The following RUBCNL variants were observed in gnomAD, a reference collection of about 807,000 sequenced individuals.
RUBCNL encodes rubicon like autophagy enhancer.
RUBCNL carries 62 observed loss-of-function variants against 69.5 expected under a neutral mutation model. That is an observed-to-expected ratio of 0.89 (90% CI 0.73 to 1.10). The LOEUF is 1.10. Among genes scored for constraint, RUBCNL ranks in the 50% least tolerant of loss-of-function variants. The probability of loss-of-function intolerance (pLI) is 0.00; values close to 1 mark genes in which losing one functional copy is unlikely to be tolerated. For synonymous variants in RUBCNL, 291 were observed against 303.6 expected (o/e 0.96, Z 0.43); for missense variants, 768 against 798.1 (o/e 0.96, Z 0.45).
chr13:46,383,981 C>T (rs1429610429), intron 1 of RUBCNL, among the ~76,000 whole-genome samples: 2 of 152,178 alleles, frequency 1.3e-5, no homozygotes, highest in South Asian at 2.1e-4. Flanking sequence ...ACTCAAATAT[C>T]TCTTCAGAAT....
chr13:46,363,723 G>A (rs1394881781), intron 5 of RUBCNL, among the ~76,000 whole-genome samples: 1 of 151,580 alleles, frequency 6.6e-6, no homozygotes, highest in Admixed American at 6.6e-5. Flanking sequence ...CAGTGTGGTG[G>A]CCCGGCCAGC....
chr13:46,358,611 T>C (rs957412907), intron 9 of RUBCNL, among the ~76,000 whole-genome samples: 39 of 152,232 alleles, frequency 2.6e-4, no homozygotes, highest in African/African-American at 9.4e-4. Flanking sequence ...TGGAGTGCAC[T>C]GGTGCAATCT....
rs796529048 is a variant in RUBCNL at position 46,335,242 on chromosome 13, TTTGTTG to T, written c.*8137_*8142del. The stretch of plus-strand genomic sequence containing the variant: ...ATTGTGCCCAGCTAATTTGTGTCTT[TTTGTTG>T]TTGTTGTTGTTGTTTTTTTTTTTTT... On this transcript the variant is annotated 3_prime_UTR_variant, in exon 15 of 15. Transcript: ENST00000429979. Among the ~76,000 whole-genome samples the T allele has an allele frequency of 7.0e-4, 99 of 142,162 alleles. No individual in the cohort carries two copies. Among genetic ancestry groups the T allele is most frequent in the Non-Finnish European group, 1.1e-3 (71 of 66,730 alleles). The allele number at this position is 142,162 out of a possible 152,430, so 93.3% of individuals were successfully genotyped here. A position where few individuals can be genotyped will look rare whatever the true frequency, so the allele number is the denominator to read the frequency against.
upstream of RUBCNL, chr13:46,387,814 A>G (rs2049283395): frequency 1.0e-6 from 1 of 985,402 alleles, no homozygotes; most frequent in African/African-American, 1.7e-5. Context: ...TCTTGCAGCG[A>G]AGGTTTGGAA....
chr13:46,346,761 A>G (rs1295185278), intron 12 of RUBCNL, among the ~76,000 whole-genome samples: 1 of 152,074 alleles, frequency 6.6e-6, no homozygotes, highest in Non-Finnish European at 1.5e-5. Flanking sequence ...TAGAGACTGA[A>G]AAAAACGCTT....
chr13:46,347,947 C>T (rs1413342686), intron 12 of RUBCNL, among the ~76,000 whole-genome samples: 1 of 151,722 alleles, frequency 6.6e-6, no homozygotes, highest in East Asian at 1.9e-4. Context: ...GAGCCGAGAT[C>T]GCGCCACTGC....
chr13:46,361,872 C>T lies in RUBCNL; in HGVS notation c.987-299G>A, dbSNP rs559790978. Among the ~76,000 whole-genome samples the T allele has an allele frequency of 1.5e-4, 23 of 152,110 alleles. No individual in the cohort carries two copies. The South Asian group carries it at 4.8e-3, about 32-fold the overall frequency. On this transcript the variant is annotated intron_variant, in intron 7 of 14. Coordinates refer to ENST00000429979, the MANE Select transcript of RUBCNL (RefSeq NM_025113.5). ...ACTTCTACCTCACAGCCTTCGTGTC[C>T]CGAAGCACATCCTATATATGAGTCT...
In RUBCNL at chr13:46,338,785, G is replaced by A. The variant is rs867053391; in HGVS notation, c.*4600C>T. On this transcript the variant is annotated 3_prime_UTR_variant, in exon 15 of 15. Transcript: ENST00000429979. ...AAATGTTCAAGGAAGGGCTGGGCGC[G>A]GTGGCTCACACCTGTAATCCAAGCA... is the stretch of plus-strand genomic sequence containing the variant. 1.6e-4 allele frequency among the ~76,000 whole-genome samples: 24 copies of A among 152,152 alleles called. No individual in the cohort carries two copies. Among genetic ancestry groups the A allele is most frequent in the South Asian group, 6.2e-4 (3 of 4,822 alleles).
chr13:46,386,128 G>T (rs2049237788), intron 1 of RUBCNL, among the ~76,000 whole-genome samples: 1 of 152,152 alleles, frequency 6.6e-6, no homozygotes, highest in African/African-American at 2.4e-5. Context: ...TACCTTCACA[G>T]GATACTTTAT....
chr13:46,357,637 T>G (rs1218833865), intron 9 of RUBCNL, among the ~76,000 whole-genome samples: 1 of 151,158 alleles, frequency 6.6e-6, no homozygotes, highest in African/African-American at 2.4e-5. Context: ...CTTTCTTTTT[T>G]TTTTTTTTTT....
chr13:46,340,287 C>G lies in RUBCNL; in HGVS notation c.*3098G>C, dbSNP rs2048132620. 6.6e-6 allele frequency among the ~76,000 whole-genome samples: 1 copy of G among 152,204 alleles called. No homozygotes were observed. Among genetic ancestry groups the G allele is most frequent in the East Asian group, 1.9e-4 (1 of 5,194 alleles). On this transcript the variant is annotated 3_prime_UTR_variant, in exon 15 of 15. Transcript: ENST00000429979. ...TCATGGGACACAATTCAACCCACAACAGTAGCTATTGTTCTAATCCTTGTA... is the reference window on the plus strand; with the variant it reads ...TCATGGGACACAATTCAACCCACAAGAGTAGCTATTGTTCTAATCCTTGTA...
At chr13:46,363,662 G>A (rs56036951) in intron 5 of RUBCNL, among the ~76,000 whole-genome samples, 14,077 of 151,922 alleles carry the variant, frequency 0.093, 879 homozygotes, top group Non-Finnish European at 0.14. Context: ...AGTCCAGCCT[G>A]GGCAACATGG....
intron 12 of RUBCNL, 149 bp from the exon 13 acceptor site, chr13:46,345,749 C>G (rs559439396): frequency 1.3e-6 from 1 of 776,038 alleles, no homozygotes; most frequent in Non-Finnish European, 2.0e-6. Flanking sequence ...AACAGTGAAC[C>G]ATGCTCGCCA....
At chr13:46,367,886 CA>C (rs557807009) in intron 5 of RUBCNL, among the ~76,000 whole-genome samples, 155 bp downstream of exon 5, 1 of 150,216 alleles carries the variant, frequency 6.7e-6, no homozygotes, top group African/African-American at 2.4e-5. Flanking sequence ...GTTACAAGAA[CA>C]AAAAAAAAGT....
chr13:46,343,978 G>A (rs1283743338), intron 14 of RUBCNL, among the ~76,000 whole-genome samples: 1 of 152,138 alleles, frequency 6.6e-6, no homozygotes, highest in Non-Finnish European at 1.5e-5. Flanking sequence ...AAACTCCAGA[G>A]CTCCCCGTGA....
At position 46,336,964 on chromosome 13, in the gene RUBCNL, ATATT is replaced by A. The variant is rs2048108704; in HGVS notation, c.*6417_*6420del. On this transcript the variant is annotated 3_prime_UTR_variant, in exon 15 of 15. Transcript: ENST00000429979. ...TGTCTGCATGACTGTTATGGACTGA[ATATT>A]TATATCTCCTCAAAAGTCATGTGTT... Among the ~76,000 whole-genome samples the A allele has an allele frequency of 6.6e-6, 1 of 151,860 alleles. No individual in the cohort carries two copies. The highest frequency in any genetic ancestry group is 1.5e-5 in the Non-Finnish European group (1 of 67,978).
chr13:46,387,927 G>T, upstream of RUBCNL: 1 of 886,744 alleles, frequency 1.1e-6, no homozygotes, highest in Admixed American at 6.2e-5. Context: ...CTAAGCTCTG[G>T]CCGGGTGCGG....
chr13:46,387,578 C>T (rs1354711097), upstream of RUBCNL: 2 of 985,314 alleles, frequency 2.0e-6, no homozygotes, highest in African/African-American at 1.7e-5. Context: ...TTCCCAACCC[C>T]AGATGCCCCC....
rs375939048 is a variant in RUBCNL, at chr13:46,372,046, G to A, written c.430C>T (p.Arg144Trp). ...VHMVRPGYSH[R>W]VSLPTSPGIL... ...CCAGGGCTTGTGGGCAGAGACACCC[G>A]ATGAGAGTATCCTGGGCGGACCATG... Residue 144 changes from arginine to tryptophan, a missense_variant, in exon 3 of 15, where the codon CGG becomes TGG. Transcript: ENST00000429979. 5.6e-6 allele frequency: 9 copies of A among 1,613,894 alleles called. No homozygotes were observed. In the East Asian group the frequency reaches 6.7e-5, roughly 12 times the overall value.
Sources: gnomAD v4.1 joint callset for allele counts (sites outside exome capture counted in the v4.1 genomes callset) on GRCh38, gnomAD v4.1.1 for gene constraint, MANE v1.5 for transcripts, NCBI Gene and HGNC (gene_info 2026-07-23, HGNC 2026-07-21) for gene names.